The following ACSS3 variants were observed in gnomAD, a reference collection of about 807,000 sequenced individuals.
ACSS3 encodes acyl-CoA synthetase short-chain family member 3, mitochondrial.
In ACSS3, 64 loss-of-function variants were observed where a neutral mutation model predicts 84.2. The observed-to-expected ratio is 0.76, with a 90% confidence interval of 0.62 to 0.94. The LOEUF (loss-of-function observed/expected upper bound fraction) is 0.94. Among genes scored for constraint, ACSS3 ranks in the 40% least tolerant of loss-of-function variants. The pLI, the probability that ACSS3 is intolerant of heterozygous loss-of-function variation, is 0.00. For synonymous variants in ACSS3, 317 were observed against 310.1 expected (o/e 1.02, Z -0.23); for missense variants, 815 against 867.6 (o/e 0.94, Z 0.76).
At chr12:81,163,390 A>G (rs1887248414) in intron 7 of ACSS3, among the ~76,000 whole-genome samples, 3 of 152,204 alleles carry the variant, frequency 2.0e-5, no homozygotes, top group Non-Finnish European at 2.9e-5. Context: ...ATGCTGGTAT[A>G]AACAAACCTA....
intron 5 of ACSS3, among the ~76,000 whole-genome samples, chr12:81,144,359 T>C (rs946678108): frequency 2.0e-5 from 3 of 152,218 alleles, no homozygotes; most frequent in Admixed American, 2.0e-4. Context: ...ATTTGTTTCA[T>C]TGTAGAATTG....
At chr12:81,185,463 G>C (rs12830912) in intron 8 of ACSS3, among the ~76,000 whole-genome samples, 23 of 151,490 alleles carry the variant, frequency 1.5e-4, no homozygotes, top group Middle Eastern at 6.8e-3. Flanking sequence ...CCACAAAAAC[G>C]TTATTACTAA....
chr12:81,159,048 T>G (rs1333925265), intron 7 of ACSS3, among the ~76,000 whole-genome samples: 1 of 152,250 alleles, frequency 6.6e-6, no homozygotes, highest in Non-Finnish European at 1.5e-5. Flanking sequence ...ACTTGATTTA[T>G]ACGTAAAGAT....
chr12:81,163,250 TCA>T (rs1211502814), intron 7 of ACSS3, among the ~76,000 whole-genome samples: 1 of 150,934 alleles, frequency 6.6e-6, no homozygotes, highest in Non-Finnish European at 1.5e-5. Context: ...TAAAGTCCAA[TCA>T]TGTGTTACAT....
rs754483699 is a variant in ACSS3 at position 81,174,891 on chromosome 12, G to C, written c.1202G>C (p.Arg401Pro). 5.6e-6 allele frequency: 9 copies of C among 1,613,920 alleles called. No individual in the cohort carries two copies. Among genetic ancestry groups the C allele is most frequent in the Non-Finnish European group, 7.6e-6 (9 of 1,179,896 alleles). ...FTAPTAIRAI[R>P]QQDPGAALGK... ...GCACCAACTGCAATTAGAGCAATCC[G>C]TCAACAGGACCCTGGGGCAGCTTTG... The change falls in exon 8 of 16, where the codon CGT becomes CCT. Residue 401 changes from arginine (R) to proline (P), a missense_variant. Transcript: ENST00000548058.
At chr12:81,119,757 T>C (rs1347374124) in intron 2 of ACSS3, among the ~76,000 whole-genome samples, 3 of 152,194 alleles carry the variant, frequency 2.0e-5, no homozygotes, top group African/African-American at 7.2e-5. Flanking sequence ...ATTCTGTTCT[T>C]TTTCAAGGTG....
intron 9 of ACSS3, chr12:81,199,678 C>T: frequency 1.4e-6 from 2 of 1,441,578 alleles, no homozygotes; most frequent in Non-Finnish European, 1.8e-6. Context: ...CACTAAAGAC[C>T]TCTTTATCTT....
At chr12:81,194,170 G>A (rs1393151725) in intron 8 of ACSS3, among the ~76,000 whole-genome samples, 6 of 151,314 alleles carry the variant, frequency 4.0e-5, no homozygotes, top group African/African-American at 1.5e-4. Flanking sequence ...AAGATTTGTT[G>A]TTTCAATTAT....
intron 1 of ACSS3, among the ~76,000 whole-genome samples, chr12:81,103,622 T>C (rs577047603): frequency 7.9e-5 from 12 of 152,290 alleles, no homozygotes; most frequent in African/African-American, 2.6e-4. Flanking sequence ...GCAGCAGTTC[T>C]GTGTAACATT....
intron 5 of ACSS3, among the ~76,000 whole-genome samples, chr12:81,150,178 T>C (rs1267177811): frequency 6.6e-6 from 1 of 152,174 alleles, no homozygotes; most frequent in African/African-American, 2.4e-5. Context: ...TTACCTAGTT[T>C]TAATAATGTT....
chr12:81,220,098 A>G (rs963794926), intron 11 of ACSS3, 22 bp downstream of exon 11: 4 of 1,495,180 alleles, frequency 2.7e-6, no homozygotes, highest in Admixed American at 2.1e-5. Context: ...TTTCAATACT[A>G]CTATATTAAA....
At chr12:81,211,354 G>A (rs909558704) in intron 9 of ACSS3, among the ~76,000 whole-genome samples, 6 of 152,074 alleles carry the variant, frequency 3.9e-5, no homozygotes, top group Admixed American at 2.0e-4. Context: ...CATGCAGTAC[G>A]TAATAATCAC....
chr12:81,089,894 A>C (rs1176507098), intron 1 of ACSS3, among the ~76,000 whole-genome samples: 2 of 152,022 alleles, frequency 1.3e-5, no homozygotes, highest in African/African-American at 4.8e-5. Flanking sequence ...ACAGAAAGAT[A>C]AGTGGCTTGT....
At chr12:81,150,635 C>T (rs1167680188) in intron 5 of ACSS3, among the ~76,000 whole-genome samples, 1 of 152,182 alleles carries the variant, frequency 6.6e-6, no homozygotes, top group Non-Finnish European at 1.5e-5. Context: ...ATACCAACAA[C>T]ACTGCATCTG....
chr12:81,158,315 T>C (rs1476550672), intron 7 of ACSS3: 1 of 153,286 alleles, frequency 6.5e-6, no homozygotes, highest in East Asian at 2.0e-4. Context: ...ACAACAAAAA[T>C]CTCTAATCCC....
At chr12:81,087,469 A>G (rs1881392015) in intron 1 of ACSS3, among the ~76,000 whole-genome samples, 1 of 152,000 alleles carries the variant, frequency 6.6e-6, no homozygotes, top group African/African-American at 2.4e-5. Flanking sequence ...GGAGGAAGAA[A>G]AAGAATGCTT....
At chr12:81,088,147 A>C (rs923842902) in intron 1 of ACSS3, among the ~76,000 whole-genome samples, 1 of 152,084 alleles carries the variant, frequency 6.6e-6, no homozygotes, top group African/African-American at 2.4e-5. Context: ...TTCAATTCTT[A>C]GTTCTTTCTC....
intron 13 of ACSS3, among the ~76,000 whole-genome samples, chr12:81,250,659 T>C (rs888734479): frequency 3.3e-5 from 5 of 151,888 alleles, no homozygotes; most frequent in Non-Finnish European, 7.4e-5. Flanking sequence ...AATATGTGGG[T>C]GATTTATTTT....
chr12:81,144,177 G>T (rs1159417771), intron 5 of ACSS3, among the ~76,000 whole-genome samples: 1 of 151,540 alleles, frequency 6.6e-6, no homozygotes, highest in Non-Finnish European at 1.5e-5. Context: ...GGAAATTTAA[G>T]ATGTTCCATA....
Sources: allele counts gnomAD v4.1 joint callset (sites outside exome capture counted in the v4.1 genomes callset), GRCh38; gene constraint gnomAD v4.1.1; transcripts MANE v1.5; gene names NCBI Gene and HGNC (gene_info 2026-07-23, HGNC 2026-07-21).